Variants in NLRP4 observed in about 807,000 individuals in gnomAD.
NLRP4 encodes NLR family pyrin domain containing 4, also known as NACHT, LRR and PYD domains-containing protein 4.
A neutral mutation model predicts 84.7 loss-of-function variants in NLRP4; 44 were observed. That is an observed-to-expected ratio of 0.52 (90% CI 0.41 to 0.67). The LOEUF (loss-of-function observed/expected upper bound fraction) is 0.67. Among genes scored for constraint, NLRP4 ranks in the 30% least tolerant of loss-of-function variants. The probability of loss-of-function intolerance (pLI) is 0.00; values close to 1 mark genes in which losing one functional copy is unlikely to be tolerated. For missense variants in NLRP4, 1,260 were observed against 1,219.4 expected, an observed-to-expected ratio of 1.03 and a Z score of -0.50; for synonymous variants, 544 against 476.4, an observed-to-expected ratio of 1.14 and a Z score of -1.85.
At chr19:55,839,308 A>AGTGTGTGTGTGTGT (rs59705356) in intron 1 of NLRP4, among the ~76,000 whole-genome samples, 149 of 151,462 alleles carry the variant, frequency 9.8e-4, no homozygotes, top group Admixed American at 5.8e-3. Flanking sequence ...CCTCAGTTTG[A>AGTGTGTGTGTGTGT]GTGTGTGTGT....
intron 1 of NLRP4, among the ~76,000 whole-genome samples, chr19:55,850,567 G>GTCCGTGGCTGCGGTGTAATT (rs1568659076): frequency 0.14 from 2,576 of 17,968 alleles, 862 homozygotes; most frequent in Non-Finnish European, 0.2. Flanking sequence ...GCGGTGTAAT[G>GTCCGTGGCTGCGGTGTAATT]TCCGTGGCTG....
intron 1 of NLRP4, among the ~76,000 whole-genome samples, chr19:55,840,999 C>T (rs1216418270): frequency 6.6e-6 from 1 of 152,012 alleles, no homozygotes; most frequent in East Asian, 1.9e-4. Context: ...TTCAGATTTC[C>T]CATTTAAAAA....
In NLRP4 at chr19:55,870,882, C is replaced by T; in HGVS notation, c.2410C>T (p.Leu804=). The T allele has an allele frequency of 6.2e-7, 1 of 1,614,116 alleles. No homozygotes were observed. Among genetic ancestry groups the T allele is most frequent in the Non-Finnish European group, 8.5e-7 (1 of 1,179,926 alleles). ...CTGCGAATACATCTCTGAAATGCTT[C>T]TGCGTAACAAGAGCGTGCGCTATCT... ...QCCEYISEML[L]RNKSVRYLDL... Residue 804 remains leucine (L), a synonymous_variant, in exon 7 of 10, where the codon CTG becomes TTG. Coordinates refer to ENST00000301295, the MANE Select transcript of NLRP4 (RefSeq NM_134444.5).
chr19:55,839,883 T>A (rs1983540139), intron 1 of NLRP4, among the ~76,000 whole-genome samples: 1 of 152,246 alleles, frequency 6.6e-6, no homozygotes, highest in Admixed American at 6.5e-5. Flanking sequence ...CTGATTTAGC[T>A]GTATTTCACT....
chr19:55,850,132 T>TGGCTGCGGTGTAATTTCCGA (rs1568658624), intron 1 of NLRP4, among the ~76,000 whole-genome samples: 1,623 of 76,554 alleles, frequency 0.021, 129 homozygotes, highest in Non-Finnish European at 0.031. Context: ...GTAATTTCCG[T>TGGCTGCGGTGTAATTTCCGA]GGCTGCGGTG....
intron 1 of NLRP4, among the ~76,000 whole-genome samples, chr19:55,850,788 C>CCGAGGCTGCGGTGTAATGT: frequency 1.4e-3 from 68 of 47,570 alleles, no homozygotes; most frequent in Non-Finnish European, 2.0e-3. Context: ...CGGTGTAATT[C>CCGAGGCTGCGGTGTAATGT]CCGAGGCTGC....
intron 1 of NLRP4, among the ~76,000 whole-genome samples, chr19:55,847,620 T>C (rs1320989800): frequency 6.6e-6 from 1 of 152,180 alleles, no homozygotes; most frequent in African/African-American, 2.4e-5. Context: ...CGACTTTCGT[T>C]ACCATGGTAC....
rs1279202306 is a variant in NLRP4 at position 55,870,951 on chromosome 19, C to T, written c.2479C>T (p.Leu827Phe). 1 of 1,614,194 alleles carries T rather than the reference C, an allele frequency of 6.2e-7. No homozygotes were observed. The highest frequency in any genetic ancestry group is 1.7e-5 in the Admixed American group (1 of 60,032). ...NVLKDEGLKT[L>F]CEALKHPDCC... ...CCTGAAGGACGAAGGACTGAAAACT[C>T]TCTGCGAGGCCTTGAAACATCCGGA... The change falls in exon 7 of 10, where the codon CTC becomes TTC. Residue 827 changes from leucine to phenylalanine, a missense_variant. By Grantham distance (22) the Leu-to-Phe change is conservative. This residue lies in a region of NLRP4 where 544 missense variants were observed against 531.7 expected (regional missense o/e 1.02). Transcript: ENST00000301295.
At chr19:55,853,901 C>CTCTCTTTCTCTTTCTT (rs1252361189) in intron 2 of NLRP4, among the ~76,000 whole-genome samples, 1 of 124,458 alleles carries the variant, frequency 8.0e-6, no homozygotes, top group African/African-American at 4.3e-5. Flanking sequence ...CTCTCTCTCT[C>CTCTCTTTCTCTTTCTT]TCTCTTTCTC....
chr19:55,866,734 GC>G, intron 5 of NLRP4, among the ~76,000 whole-genome samples: 1 of 152,178 alleles, frequency 6.6e-6, no homozygotes, highest in Non-Finnish European at 1.5e-5. Flanking sequence ...CACTTGGCGG[GC>G]ACACATGCAA....
rs574154179 is a variant in NLRP4, at chr19:55,859,791, G to A, written c.1856+542G>A. Among the ~76,000 whole-genome samples, 7 of 151,702 alleles carry A rather than the reference G, an allele frequency of 4.6e-5. No individual in the cohort carries two copies. In the South Asian group the frequency reaches 1.5e-3, roughly 32 times the overall value. On this transcript the variant is annotated intron_variant, in intron 3 of 9. Transcript: ENST00000301295. ...AAAAATACAAAAATTAGCCGGGTGT[G>A]TAGCGCACACCTGTAATCCCAGCTA...
intron 1 of NLRP4, among the ~76,000 whole-genome samples, chr19:55,838,947 C>T (rs533451742): frequency 6.8e-6 from 1 of 147,230 alleles, no homozygotes; most frequent in Non-Finnish European, 1.5e-5. Context: ...AATTCTTACA[C>T]TAAGCCTGTT....
intron 9 of NLRP4, 40 bp from the exon 10 acceptor site, chr19:55,881,430 A>G (rs1985585368): frequency 9.7e-7 from 1 of 1,036,084 alleles, no homozygotes; most frequent in Non-Finnish European, 1.5e-6. Context: ...GGGAAAAAGT[A>G]TGTGAATTAA....
intron 1 of NLRP4, among the ~76,000 whole-genome samples, chr19:55,844,289 CT>C (rs987354645): frequency 6.6e-6 from 1 of 151,788 alleles, no homozygotes; most frequent in African/African-American, 2.4e-5. Flanking sequence ...TTTCTTTTTT[CT>C]TTTTATTTTT....
At chr19:55,876,849 T>A (rs1481110784) in intron 7 of NLRP4, 147 bp from the exon 8 acceptor site, 1 of 606,224 alleles carries the variant, frequency 1.6e-6, no homozygotes, top group Non-Finnish European at 3.0e-6. Flanking sequence ...ATAATTTCAA[T>A]CTGCCACTAG....
At chr19:55,863,476 A>G (rs1295292899) in intron 5 of NLRP4, among the ~76,000 whole-genome samples, 3 of 152,084 alleles carry the variant, frequency 2.0e-5, no homozygotes, top group African/African-American at 7.2e-5. Context: ...GGAAGAAGAG[A>G]GAAGAGGGAG....
chr19:55,879,042 C>T, intron 9 of NLRP4, 78 bp downstream of exon 9: 1 of 1,126,892 alleles, frequency 8.9e-7, no homozygotes, highest in Non-Finnish European at 1.3e-6. Context: ...GCAGTGTAAT[C>T]ACGTTGCATT....
At chr19:55,840,864 T>C (rs186819719) in intron 1 of NLRP4, among the ~76,000 whole-genome samples, 30 of 152,334 alleles carry the variant, frequency 2.0e-4, no homozygotes, top group African/African-American at 6.7e-4. Context: ...CAGATTTTTT[T>C]AAAAGCCTGG....
At chr19:55,876,933 CTT>C (rs1249119972) in intron 7 of NLRP4, 61 bp from the exon 8 acceptor site, 39 of 1,408,288 alleles carry the variant, frequency 2.8e-5, no homozygotes, top group Non-Finnish European at 3.4e-5. Context: ...TTTGGTGTCT[CTT>C]TTCCTGATAT....
Sources: gnomAD v4.1 joint callset for allele counts (sites outside exome capture counted in the v4.1 genomes callset) on GRCh38, gnomAD v4.1.1 for gene constraint, gnomAD v4.1.1 regional missense constraint, MANE v1.5 for transcripts, NCBI Gene and HGNC (gene_info 2026-07-23, HGNC 2026-07-21) for gene names.